GRIN2A: variants seen among roughly 807,000 people sequenced by gnomAD.
The protein encoded by GRIN2A is glutamate receptor ionotropic, NMDA 2A.
A neutral mutation model predicts 113.4 loss-of-function variants in GRIN2A; 22 were observed. The ratio of observed to expected loss-of-function variants is 0.19; its 90% CI spans 0.14 to 0.28. GRIN2A has a LOEUF of 0.28. Among genes scored for constraint, GRIN2A ranks in the 10% least tolerant of loss-of-function variants. The probability of loss-of-function intolerance (pLI) is 1.00; values close to 1 mark genes in which losing one functional copy is unlikely to be tolerated. For synonymous variants in GRIN2A, 827 were observed against 738.4 expected (o/e 1.12, Z -1.94); for missense variants, 1,502 against 1,887.0 (o/e 0.80, Z 3.78).
At chr16:9,856,684 T>C (rs2042975019) in intron 4 of GRIN2A, among the ~76,000 whole-genome samples, 1 of 151,708 alleles carries the variant, frequency 6.6e-6, no homozygotes, top group Admixed American at 6.6e-5. Context: ...CCGTTTCTAC[T>C]ATTCCGAAAG....
chr16:9,982,313 C>A (rs1438974733), intron 2 of GRIN2A, among the ~76,000 whole-genome samples: 3 of 152,106 alleles, frequency 2.0e-5, no homozygotes, highest in African/African-American at 7.2e-5. Context: ...TGTGTACTTT[C>A]TTTAAAAAAT....
chr16:9,823,387 C>A (rs1364533317), intron 9 of GRIN2A, among the ~76,000 whole-genome samples: 1 of 152,202 alleles, frequency 6.6e-6, no homozygotes, highest in African/African-American at 2.4e-5. Context: ...CATTTATTTT[C>A]CATCTGTAGA....
At position 9,938,078 on chromosome 16, in the gene GRIN2A, A is replaced by C; in HGVS notation, c.888T>G (p.Ile296Met). 6.2e-7 allele frequency: 1 copy of C among 1,614,016 alleles called. No homozygotes were observed. The highest frequency in any genetic ancestry group is 1.1e-5 in the South Asian group (1 of 91,086). Residue 296 changes from isoleucine (I) to methionine (M), a missense_variant, in exon 3 of 13, where the codon ATT (isoleucine) becomes ATG (methionine). Ile to Met is a conservative substitution (Grantham distance 10). Transcript: ENST00000330684. ...AAGATGCAGCGGTGGTTAGGATGCC[A>C]ATGCCGTCCCTCACTCTCGCCTCCA... ...YSLEARVRDG[I>M]GILTTAASSM...
intron 2 of GRIN2A, among the ~76,000 whole-genome samples, chr16:10,033,293 G>C (rs550537871): frequency 6.6e-6 from 1 of 152,164 alleles, no homozygotes; most frequent in Non-Finnish European, 1.5e-5. Flanking sequence ...AAACACTGTA[G>C]AGCTTTGGCT....
At chr16:9,922,931 C>A (rs139038731) in intron 3 of GRIN2A, among the ~76,000 whole-genome samples, 226 of 152,192 alleles carry the variant, frequency 1.5e-3, no homozygotes, top group African/African-American at 4.8e-3. Flanking sequence ...CATAAATTTT[C>A]TGTATACATT....
At chr16:10,090,277 T>A (rs1051059342) in intron 2 of GRIN2A, among the ~76,000 whole-genome samples, 1 of 152,066 alleles carries the variant, frequency 6.6e-6, no homozygotes, top group African/African-American at 2.4e-5. Context: ...GGACTTACAT[T>A]ACCCTCATTT....
chr16:10,039,232 G>C (rs1423986918), intron 2 of GRIN2A, among the ~76,000 whole-genome samples: 1 of 152,104 alleles, frequency 6.6e-6, no homozygotes, highest in African/African-American at 2.4e-5. Flanking sequence ...CTTGGTGCCA[G>C]GGTTTAAAGA....
At chr16:10,111,799 T>A (rs7195607) in intron 2 of GRIN2A, 365,799 of 1,386,066 alleles carry the variant, frequency 0.26, 49,671 homozygotes, top group East Asian at 0.42. Context: ...GCATGGCTTC[T>A]CTTGCATCCT....
chr16:10,057,323 A>T (rs929773279), intron 2 of GRIN2A, among the ~76,000 whole-genome samples: 1 of 152,182 alleles, frequency 6.6e-6, no homozygotes, highest in Non-Finnish European at 1.5e-5. Context: ...ACTGAACTTC[A>T]AGGTAAGTTC....
At chr16:10,034,836 A>G (rs1334973251) in intron 2 of GRIN2A, among the ~76,000 whole-genome samples, 1 of 152,208 alleles carries the variant, frequency 6.6e-6, no homozygotes, top group African/African-American at 2.4e-5. Context: ...GTCTGCATTC[A>G]GTGATTTGTT....
In GRIN2A at chr16:9,979,845, CTGTGTGTG is replaced by C. The variant is rs60999132; in HGVS notation, c.415-41302_415-41295del. ...TATGTATTTATCTAGGACTTATATTCTGTGTGTGTGTGTGTGTGTGTGTGTGTGTGTAT... is the reference window on the plus strand; with the variant it reads ...TATGTATTTATCTAGGACTTATATTCTGTGTGTGTGTGTGTGTGTGTGTAT... On this transcript the variant is annotated intron_variant, in intron 2 of 12. Transcript: ENST00000330684. 3.4e-3 allele frequency among the ~76,000 whole-genome samples: 451 copies of C among 133,510 alleles called. 3 individuals carry two copies. Among genetic ancestry groups the C allele is most frequent in the African/African-American group, 0.011 (419 of 36,714 alleles). 87.6% of individuals were successfully genotyped at this position (133,510 alleles called of 152,430 possible). A position where few individuals can be genotyped will look rare whatever the true frequency, so the allele number is the denominator to read the frequency against.
At chr16:9,962,400 T>A (rs953266975) in intron 2 of GRIN2A, among the ~76,000 whole-genome samples, 3 of 151,748 alleles carry the variant, frequency 2.0e-5, no homozygotes, top group African/African-American at 4.8e-5. Context: ...TACAATGAAC[T>A]CAAACAAATT....
At chr16:10,054,135 G>A (rs927383803) in intron 2 of GRIN2A, among the ~76,000 whole-genome samples, 6 of 152,024 alleles carry the variant, frequency 3.9e-5, no homozygotes, top group African/African-American at 9.7e-5. Context: ...AATATCCTAC[G>A]TGGATAAAGC....
chr16:10,166,156 G>A (rs1208449878), intron 2 of GRIN2A, among the ~76,000 whole-genome samples: 1 of 152,206 alleles, frequency 6.6e-6, no homozygotes, highest in African/African-American at 2.4e-5. Context: ...CAGCAGACTA[G>A]CAAGACGATA....
In GRIN2A at chr16:9,829,708, G is replaced by C. The variant is rs1289996374; in HGVS notation, c.1778-56C>G. The C allele has an allele frequency of 4.8e-6, 6 of 1,260,908 alleles. No individual in the cohort carries two copies. In the Admixed American group the frequency reaches 5.1e-5, roughly 11 times the overall value. The allele number at this position is 1,260,908 out of a possible 1,614,324, so 78.1% of individuals were successfully genotyped here. ...TTTTCTGAAAAAAATGCCTGTTTGT[G>C]TATGACAACCACGCAGCAGCCACCA... On this transcript the variant is annotated intron_variant, in intron 8 of 12. Coordinates refer to ENST00000330684, the MANE Select transcript of GRIN2A (RefSeq NM_001134407.3).
At chr16:9,982,799 G>A (rs11074517) in intron 2 of GRIN2A, among the ~76,000 whole-genome samples, 47,821 of 151,968 alleles carry the variant, frequency 0.31, 8,087 homozygotes, top group Middle Eastern at 0.37. Context: ...GACACTCTAG[G>A]AAGGTTTATC....
chr16:10,112,017 G>C (rs987896851), intron 2 of GRIN2A: 1 of 648,658 alleles, frequency 1.5e-6, no homozygotes, highest in Admixed American at 2.1e-5. Flanking sequence ...TGTGGTCAAT[G>C]ATCGCCATGA....
chr16:9,873,283 G>A, intron 4 of GRIN2A, among the ~76,000 whole-genome samples: 1 of 152,124 alleles, frequency 6.6e-6, no homozygotes. Context: ...AAAAAGCCCT[G>A]ACATCACCAC....
intron 3 of GRIN2A, among the ~76,000 whole-genome samples, chr16:9,900,152 T>C (rs1044664413): frequency 6.6e-6 from 1 of 152,184 alleles, no homozygotes; most frequent in Non-Finnish European, 1.5e-5. Context: ...TTGTCTTTCT[T>C]CCTCCTAAAA....
Sources: gnomAD v4.1 joint callset for allele counts (sites outside exome capture counted in the v4.1 genomes callset) on GRCh38, gnomAD v4.1.1 for gene constraint, MANE v1.5 for transcripts, NCBI Gene and HGNC (gene_info 2026-07-23, HGNC 2026-07-21) for gene names.